Variants in PLOD2 observed in about 807,000 individuals in gnomAD.
PLOD2 encodes lysine hydroxylase 2.
PLOD2 carries 65 observed loss-of-function variants against 101.0 expected under a neutral mutation model. The ratio of observed to expected loss-of-function variants is 0.64; its 90% confidence interval spans 0.53 to 0.79. The LOEUF (loss-of-function observed/expected upper bound fraction) is 0.79, where lower values mean the gene tolerates loss of function less well. PLOD2 is among the 30% of genes least tolerant of loss of function. PLOD2 has a pLI of 0.00. For synonymous variants in PLOD2, 314 were observed against 302.9 expected, an observed-to-expected ratio of 1.04 and a Z score of -0.38; for missense variants, 909 against 914.6, an observed-to-expected ratio of 0.99 and a Z score of 0.08.
chr3:146,103,994 T>C (rs1937484721), intron 6 of PLOD2, among the ~76,000 whole-genome samples: 1 of 152,144 alleles, frequency 6.6e-6, no homozygotes, highest in South Asian at 2.1e-4. Context: ...TAATAAAGTG[T>C]AATTAATTTA....
intron 7 of PLOD2, among the ~76,000 whole-genome samples, chr3:146,096,215 G>A (rs1375835889): frequency 3.7e-5 from 5 of 135,058 alleles, no homozygotes; most frequent in Non-Finnish European, 7.9e-5. Flanking sequence ...CTGGAGTGCA[G>A]TGGCGTGATC....
chr3:146,088,891 C>T (rs1310743539), intron 8 of PLOD2, 180 bp from the exon 9 acceptor site: 21 of 580,570 alleles, frequency 3.6e-5, no homozygotes, highest in Non-Finnish European at 6.1e-5. Context: ...TTGTGGCCCC[C>T]CCAATCAAAG....
rs184328260 is a variant in PLOD2, at chr3:146,099,711, A to G, written c.777+3044T>C. Among the ~76,000 whole-genome samples the G allele has an allele frequency of 3.3e-3, 500 of 152,060 alleles. 4 individuals are homozygous for G. Among genetic ancestry groups the G allele is most frequent in the Middle Eastern group, 0.02 (6 of 294 alleles). On this transcript the variant is annotated intron_variant, in intron 7 of 19. Transcript: ENST00000282903. ...CCAGCCTAAATTTGATTAAAATATT[A>G]TATTACCAAGGAGGAACAGAACACT...
intron 18 of PLOD2, 23 bp from the exon 19 acceptor site, chr3:146,071,190 T>A (rs780159715): frequency 1.9e-6 from 3 of 1,610,918 alleles, no homozygotes; most frequent in Non-Finnish European, 1.7e-6. Context: ...AGTAAGCCAG[T>A]GGATTTGCTT....
intron 14 of PLOD2, 148 bp from the exon 15 acceptor site, chr3:146,077,043 G>T: frequency 7.7e-7 from 1 of 1,292,452 alleles, no homozygotes; most frequent in Non-Finnish European, 1.0e-6. Flanking sequence ...AATGTGCATA[G>T]TTTAAAATAA....
intron 3 of PLOD2, among the ~76,000 whole-genome samples, chr3:146,118,075 A>C (rs1008064373): frequency 6.6e-6 from 1 of 152,124 alleles, no homozygotes; most frequent in African/African-American, 2.4e-5. Flanking sequence ...CTCAGAGCCA[A>C]AGTGAAAATG....
chr3:146,145,999 A>G (rs2031757569), intron 1 of PLOD2, among the ~76,000 whole-genome samples: 1 of 152,184 alleles, frequency 6.6e-6, no homozygotes, highest in Non-Finnish European at 1.5e-5. Context: ...CCTCAAAACA[A>G]TAAGGATGGT....
At chr3:146,135,401 CA>C (rs1559866976) in intron 1 of PLOD2, among the ~76,000 whole-genome samples, 1 of 151,982 alleles carries the variant, frequency 6.6e-6, no homozygotes, top group African/African-American at 2.4e-5. Flanking sequence ...CACAAGACTC[CA>C]AAAAAGTTTA....
chr3:146,081,802 A>G lies in PLOD2; in HGVS notation c.1294T>C (p.Leu432=). 2.5e-6 allele frequency: 4 copies of G among 1,611,374 alleles called. No individual in the cohort carries two copies. Among genetic ancestry groups the G allele is most frequent in the Non-Finnish European group, 3.4e-6 (4 of 1,177,660 alleles). ...CGTGCATAGTATCCATCAGGACTCA[A>G]TGCTCCCCAGAAATTGGACCACAGC... is the stretch of plus-strand genomic sequence containing the variant. ...GKLWSNFWGA[L]SPDGYYARSE... The change falls in exon 12 of 20, where the codon TTG becomes CTG. Residue 432 remains leucine, a synonymous_variant. Transcript: ENST00000282903.
intron 1 of PLOD2, among the ~76,000 whole-genome samples, chr3:146,143,489 A>G (rs2031628850): frequency 6.6e-6 from 1 of 151,938 alleles, no homozygotes. Context: ...TCTCCTAACC[A>G]TCTTTTCTGT....
rs186040024 is a variant in PLOD2, at chr3:146,107,840, C to T, written c.503-1196G>A. Among the ~76,000 whole-genome samples, 511 of 151,804 alleles carry T rather than the reference C, an allele frequency of 3.4e-3. 1 individual carries two copies. The highest frequency in any genetic ancestry group is 0.011 in the African/African-American group (476 of 41,400). Reference sequence around the variant, plus strand: ...TGTATTTTTAGTAGAGATGGGGTTTCGCCATGTTGGTCAGACTGGTCTCGA... The same window carrying T: ...TGTATTTTTAGTAGAGATGGGGTTTTGCCATGTTGGTCAGACTGGTCTCGA... On this transcript the variant is annotated intron_variant, in intron 4 of 19. Transcript: ENST00000282903.
At chr3:146,103,076 C>A (rs1937448255) in intron 6 of PLOD2, among the ~76,000 whole-genome samples, 1 of 152,164 alleles carries the variant, frequency 6.6e-6, no homozygotes, top group Admixed American at 6.5e-5. Context: ...CAAACTCACT[C>A]CAACCTGGCA....
At chr3:146,125,629 C>T (rs994991561) in intron 1 of PLOD2, among the ~76,000 whole-genome samples, 1 of 151,852 alleles carries the variant, frequency 6.6e-6, no homozygotes, top group Non-Finnish European at 1.5e-5. Context: ...CACTTGTAAT[C>T]CCAGCTACTT....
At chr3:146,085,482 C>T (rs1416214277) in intron 10 of PLOD2, 2 of 540,494 alleles carry the variant, frequency 3.7e-6, no homozygotes, top group Non-Finnish European at 6.6e-6. Context: ...GGGAGCTCAC[C>T]TCTAAAATTT....
At position 146,082,308 on chromosome 3, in the gene PLOD2, T is replaced by C. The variant is rs555016784; in HGVS notation, c.1233-445A>G. Among the ~76,000 whole-genome samples the C allele has an allele frequency of 2.1e-4, 32 of 152,312 alleles. 1 individual carries two copies. The South Asian group carries it at 5.6e-3, about 27-fold the overall frequency. On this transcript the variant is annotated intron_variant, in intron 11 of 19. Coordinates refer to ENST00000282903, the MANE Select transcript of PLOD2 (RefSeq NM_182943.3). ...TTTAAGATATTCAATGAATATTTGT[T>C]GAATTTGTAAAAAATGAATGAAGAT...
chr3:146,114,928 CA>C (rs1183258430), intron 3 of PLOD2, among the ~76,000 whole-genome samples: 2 of 152,104 alleles, frequency 1.3e-5, no homozygotes, highest in African/African-American at 4.8e-5. Context: ...GACAAACTAT[CA>C]ATGTATTGAC....
intron 3 of PLOD2, among the ~76,000 whole-genome samples, chr3:146,118,045 C>A (rs1937996694): frequency 6.6e-6 from 1 of 152,088 alleles, no homozygotes; most frequent in South Asian, 2.1e-4. Flanking sequence ...CATGTAGTAA[C>A]TCTTACAAGG....
chr3:146,123,572 C>G (rs368239816), intron 2 of PLOD2, among the ~76,000 whole-genome samples: 2 of 151,982 alleles, frequency 1.3e-5, no homozygotes, highest in East Asian at 3.9e-4. Flanking sequence ...AGAAAAGGCA[C>G]CCTCTTCACA....
Position 146,104,840 on chromosome 3 carries a change from A to T in PLOD2, c.616-498T>A, listed in dbSNP as rs549863599. 3 of 155,364 alleles carry T rather than the reference A, an allele frequency of 1.9e-5. No individual in the cohort carries two copies. In the East Asian group the frequency reaches 5.7e-4, roughly 30 times the overall value. 9.6% of individuals were successfully genotyped at this position (155,364 alleles called of 1,614,324 possible). On this transcript the variant is annotated intron_variant, in intron 5 of 19. Transcript: ENST00000282903. The stretch of plus-strand genomic sequence containing the variant: ...GCATATATCTGCTTAAAATAAAAAA[A>T]CAGATTTTCCTTTGGGTATTATGAG...
Sources: allele counts gnomAD v4.1 joint callset (sites outside exome capture counted in the v4.1 genomes callset), GRCh38; gene constraint gnomAD v4.1.1; transcripts MANE v1.5; gene names NCBI Gene and HGNC (gene_info 2026-07-23, HGNC 2026-07-21).